CENPW: variants seen among roughly 807,000 people sequenced by gnomAD.
CENPW encodes the protein cancer-up-regulated gene 2 protein.
In CENPW, 3 loss-of-function variants were observed where a neutral mutation model predicts 11.1. The ratio of observed to expected loss-of-function variants is 0.27; its 90% CI spans 0.12 to 0.70. The LOEUF (loss-of-function observed/expected upper bound fraction) is 0.70. Ranked by LOEUF, CENPW falls within the 30% of genes least tolerant of loss-of-function variation. The probability of loss-of-function intolerance (pLI) is 0.77; values close to 1 mark genes in which losing one functional copy is unlikely to be tolerated. For synonymous variants in CENPW, 38 were observed against 42.0 expected (o/e 0.91, Z 0.37); for missense variants, 100 against 105.6 (o/e 0.95, Z 0.23).
the CENPW span, among the ~76,000 whole-genome samples, chr6:126,430,115 A>C: frequency 1 from 152,285 of 152,292 alleles, 76,139 homozygotes; most frequent in Non-Finnish European, 1. Flanking sequence ...TGACCTGTGT[A>C]TGTACCTGGA....
the CENPW span, among the ~76,000 whole-genome samples, chr6:126,368,842 T>C: frequency 1.4e-4 from 21 of 152,100 alleles, no homozygotes; most frequent in Admixed American, 1.1e-3. Context: ...AGACGGGATT[T>C]CACTGTGTTA....
chr6:126,463,487 A>T, the CENPW span, among the ~76,000 whole-genome samples: 1 of 152,154 alleles, frequency 6.6e-6, no homozygotes, highest in East Asian at 1.9e-4. Flanking sequence ...AATGAAATAG[A>T]AAGCATAAAG....
At chr6:126,374,181 C>CT in the CENPW span, among the ~76,000 whole-genome samples, 1 of 152,048 alleles carries the variant, frequency 6.6e-6, no homozygotes, top group Non-Finnish European at 1.5e-5. Flanking sequence ...AATAAGAACT[C>CT]TAATAAAAAT....
the CENPW span, among the ~76,000 whole-genome samples, chr6:126,472,848 A>G: frequency 6.6e-6 from 1 of 152,202 alleles, no homozygotes; most frequent in Non-Finnish European, 1.5e-5. Context: ...TACTAGGGGT[A>G]CAATGTTATC....
chr6:126,370,012 C>T, the CENPW span, among the ~76,000 whole-genome samples: 2 of 152,172 alleles, frequency 1.3e-5, no homozygotes, highest in African/African-American at 4.8e-5. Flanking sequence ...ATTCCAGCAT[C>T]ATTTGTTGAA....
At chr6:126,463,831 G>A in the CENPW span, among the ~76,000 whole-genome samples, 1 of 152,022 alleles carries the variant, frequency 6.6e-6, no homozygotes, top group Non-Finnish European at 1.5e-5. Flanking sequence ...TTTGGGTCCA[G>A]ATGGCTTCAC....
chr6:126,362,479 G>GCCTCAGTGTTACTTGTCTCTTCATCCAC, the CENPW span, among the ~76,000 whole-genome samples: 1 of 152,110 alleles, frequency 6.6e-6, no homozygotes, highest in African/African-American at 2.4e-5. Context: ...TTCCTCTTCA[G>GCCTCAGTGTTACTTGTCTCTTCATCCAC]CCTCAGTGTT....
the CENPW span, among the ~76,000 whole-genome samples, chr6:126,371,925 T>C: frequency 1.2e-4 from 19 of 152,238 alleles, no homozygotes; most frequent in African/African-American, 4.6e-4. Context: ...GTGGTATCGG[T>C]TGTAATAAAT....
intron 1 of CENPW, among the ~76,000 whole-genome samples, chr6:126,345,781 A>G (rs900490868): frequency 1.3e-5 from 2 of 152,172 alleles, no homozygotes; most frequent in Admixed American, 1.3e-4. Context: ...CTGTTTAAAA[A>G]TCTTTGACCT....
chr6:126,407,737 A>C, the CENPW span, among the ~76,000 whole-genome samples: 3 of 152,060 alleles, frequency 2.0e-5, no homozygotes, highest in Admixed American at 2.0e-4. Context: ...TTCTTTTGAG[A>C]AGTGTCTGTT....
At chr6:126,456,002 A>AG in the CENPW span, among the ~76,000 whole-genome samples, 5 of 151,132 alleles carry the variant, frequency 3.3e-5, no homozygotes, top group East Asian at 2.0e-4. Context: ...ATATCTAACG[A>AG]GGGGGGGCAA....
chr6:126,370,084 G>A, the CENPW span, among the ~76,000 whole-genome samples: 1 of 152,100 alleles, frequency 6.6e-6, no homozygotes, highest in Non-Finnish European at 1.5e-5. Context: ...TTGGTTGTAA[G>A]TATTTGGCTT....
chr6:126,445,108 C>T, the CENPW span, among the ~76,000 whole-genome samples: 74 of 151,220 alleles, frequency 4.9e-4, no homozygotes, highest in African/African-American at 1.7e-3. Flanking sequence ...CTTTTGAATG[C>T]CTTCAAATTG....
the CENPW span, among the ~76,000 whole-genome samples, chr6:126,473,024 T>C: frequency 2.0e-5 from 3 of 152,218 alleles, no homozygotes; most frequent in Non-Finnish European, 4.4e-5. Flanking sequence ...CTTTTCAGAT[T>C]GGCTTCTTTC....
chr6:126,425,885 T>C, the CENPW span, among the ~76,000 whole-genome samples: 1 of 151,416 alleles, frequency 6.6e-6, no homozygotes, highest in Non-Finnish European at 1.5e-5. Flanking sequence ...TTAGGATACT[T>C]TTTTTTTAGC....
the CENPW span, among the ~76,000 whole-genome samples, chr6:126,356,484 T>G: frequency 1.3e-5 from 2 of 152,212 alleles, no homozygotes; most frequent in Non-Finnish European, 2.9e-5. Context: ...CATTCCTAAT[T>G]AAACCCCTTA....
At chr6:126,463,371 A>G in the CENPW span, among the ~76,000 whole-genome samples, 1 of 152,090 alleles carries the variant, frequency 6.6e-6, no homozygotes, top group Non-Finnish European at 1.5e-5. Flanking sequence ...GAGATAAGCC[A>G]TCTCCTTTAA....
the CENPW span, among the ~76,000 whole-genome samples, chr6:126,372,547 A>G: frequency 6.6e-6 from 1 of 152,200 alleles, no homozygotes; most frequent in South Asian, 2.1e-4. Context: ...CAGATACATT[A>G]TCAGGTATAG....
At chr6:126,406,100 C>T in the CENPW span, among the ~76,000 whole-genome samples, 47 of 152,058 alleles carry the variant, frequency 3.1e-4, no homozygotes, top group African/African-American at 8.9e-4. Flanking sequence ...TTGTCATATA[C>T]GTCCTTAATT....
Sources: gnomAD v4.1 joint callset for allele counts (sites outside exome capture counted in the v4.1 genomes callset) on GRCh38, gnomAD v4.1.1 for gene constraint, MANE v1.5 for transcripts, NCBI Gene and HGNC (gene_info 2026-07-23, HGNC 2026-07-21) for gene names.